The following NKAIN3 variants were observed in gnomAD, a reference collection of about 807,000 sequenced individuals.
The protein encoded by NKAIN3 is sodium/potassium-transporting ATPase subunit beta-1-interacting protein 3.
In NKAIN3, 25 loss-of-function variants were observed where a neutral mutation model predicts 30.2. The observed-to-expected ratio is 0.83, with a 90% CI of 0.60 to 1.16. The LOEUF (loss-of-function observed/expected upper bound fraction) is 1.16. NKAIN3 is among the 50% of genes most tolerant of loss of function. The pLI is 0.00. For missense variants in NKAIN3, 225 were observed against 254.1 expected (o/e 0.89, Z 0.78); for synonymous variants, 91 against 89.6 (o/e 1.02, Z -0.09).
Position 62,316,641 on chromosome 8 carries a change from G to A in NKAIN3, c.54+67514G>A, listed in dbSNP as rs189600383. 3.0e-3 allele frequency among the ~76,000 whole-genome samples: 461 copies of A among 152,212 alleles called. 3 individuals carry two copies. Among genetic ancestry groups the A allele is most frequent in the African/African-American group, 0.01 (429 of 41,514 alleles). ...TTTTATGGCTGCATAGTATTCCATG[G>A]TGTATATGTGCCACATTTTTTTAAT... On this transcript the variant is annotated intron_variant, in intron 1 of 6. Coordinates refer to ENST00000623646, the MANE Select transcript of NKAIN3 (RefSeq NM_001304533.3).
In NKAIN3 at chr8:62,851,363, C is replaced by T. The variant is rs1218106661; in HGVS notation, c.472-67090C>T. Among the ~76,000 whole-genome samples, 5 of 152,188 alleles carry T rather than the reference C, an allele frequency of 3.3e-5. No homozygotes were observed. In the East Asian group the frequency reaches 5.8e-4, roughly 18 times the overall value. On this transcript the variant is annotated intron_variant, in intron 4 of 6. Coordinates refer to ENST00000623646, the MANE Select transcript of NKAIN3 (RefSeq NM_001304533.3). ...AGCTTAAGGAGATTTTGGGCTGAGG[C>T]GATGGGGTTTTCTAGATATACAATC...
intron 4 of NKAIN3, among the ~76,000 whole-genome samples, chr8:62,879,417 T>C (rs1439640746): frequency 6.6e-6 from 1 of 152,212 alleles, no homozygotes; most frequent in Non-Finnish European, 1.5e-5. Flanking sequence ...TATTAGCCCT[T>C]TTCCAGATGA....
chr8:62,611,339 CA>C (rs1166001591), intron 3 of NKAIN3, among the ~76,000 whole-genome samples: 1 of 152,050 alleles, frequency 6.6e-6, no homozygotes, highest in African/African-American at 2.4e-5. Context: ...CTTTATTTAA[CA>C]GTTAAATTAT....
chr8:62,254,780 A>G (rs1812214752), intron 1 of NKAIN3, among the ~76,000 whole-genome samples: 2 of 152,236 alleles, frequency 1.3e-5, no homozygotes, highest in South Asian at 4.1e-4. Flanking sequence ...ATGGTACAGC[A>G]AGAGAGTCAT....
chr8:62,573,500 T>A (rs28655175), intron 1 of NKAIN3, among the ~76,000 whole-genome samples: 5,409 of 152,184 alleles, frequency 0.036, 258 homozygotes, highest in African/African-American at 0.12. Context: ...TTTTCCTTCT[T>A]ACTTCCCTCC....
intron 3 of NKAIN3, among the ~76,000 whole-genome samples, chr8:62,657,565 TG>T (rs1245797490): frequency 1.8e-4 from 27 of 152,212 alleles, no homozygotes; most frequent in Admixed American, 1.7e-3. Context: ...TAAAACTTTG[TG>T]GTTTACATAT....
intron 1 of NKAIN3, among the ~76,000 whole-genome samples, chr8:62,259,645 G>T (rs531392482): frequency 6.6e-6 from 1 of 152,266 alleles, no homozygotes; most frequent in East Asian, 1.9e-4. Context: ...GGTAGGCTAT[G>T]AATGCCCTGT....
At chr8:62,990,466 A>C (rs979506148) in intron 5 of NKAIN3, 89 of 649,802 alleles carry the variant, frequency 1.4e-4, no homozygotes, top group Non-Finnish European at 1.7e-4. Flanking sequence ...ATTGCTTTGT[A>C]TAAAATGTTA....
At chr8:62,817,046 C>G (rs1405105744) in intron 4 of NKAIN3, among the ~76,000 whole-genome samples, 6 of 152,150 alleles carry the variant, frequency 3.9e-5, no homozygotes, top group South Asian at 4.1e-4. Context: ...AAGCCATTCT[C>G]CCAGCCAGGT....
At chr8:62,787,338 T>C (rs901955031) in intron 4 of NKAIN3, among the ~76,000 whole-genome samples, 3 of 151,848 alleles carry the variant, frequency 2.0e-5, no homozygotes, top group African/African-American at 4.8e-5. Flanking sequence ...AGCACAAAAA[T>C]TGAAAAGACC....
At chr8:62,588,710 T>A (rs1349947553) in intron 2 of NKAIN3, among the ~76,000 whole-genome samples, 1 of 151,908 alleles carries the variant, frequency 6.6e-6, no homozygotes, top group African/African-American at 2.4e-5. Flanking sequence ...TATGCAATGA[T>A]TGTAATCACT....
At chr8:62,254,511 A>C (rs1302776787) in intron 1 of NKAIN3, among the ~76,000 whole-genome samples, 1 of 152,182 alleles carries the variant, frequency 6.6e-6, no homozygotes, top group African/African-American at 2.4e-5. Context: ...TACTTTAAAA[A>C]TAGGGCTGAC....
At chr8:62,656,390 T>C (rs1158658364) in intron 3 of NKAIN3, among the ~76,000 whole-genome samples, 1 of 152,056 alleles carries the variant, frequency 6.6e-6, no homozygotes, top group African/African-American at 2.4e-5. Context: ...TGTGTATACA[T>C]ATGTAACAAA....
intron 2 of NKAIN3, among the ~76,000 whole-genome samples, chr8:62,584,484 CAGT>C (rs1164925235): frequency 7.9e-5 from 12 of 152,158 alleles, no homozygotes. Context: ...TCAAGCTCAC[CAGT>C]GACTAGCTTT....
chr8:62,497,132 G>C (rs1392826279), intron 1 of NKAIN3, among the ~76,000 whole-genome samples: 1 of 151,980 alleles, frequency 6.6e-6, no homozygotes, highest in African/African-American at 2.4e-5. Flanking sequence ...CTGTTTTACA[G>C]CTAAAGATTT....
At chr8:62,893,344 G>A (rs963077197) in intron 4 of NKAIN3, among the ~76,000 whole-genome samples, 1 of 152,148 alleles carries the variant, frequency 6.6e-6, no homozygotes, top group Non-Finnish European at 1.5e-5. Flanking sequence ...GTGGACTGCT[G>A]ATATACAGAA....
At chr8:62,644,360 A>T (rs534250479) in intron 3 of NKAIN3, among the ~76,000 whole-genome samples, 1 of 152,252 alleles carries the variant, frequency 6.6e-6, no homozygotes, top group Non-Finnish European at 1.5e-5. Flanking sequence ...GGACCCTGAT[A>T]GATACAAATA....
intron 3 of NKAIN3, among the ~76,000 whole-genome samples, chr8:62,602,962 T>C (rs1315301748): frequency 6.6e-6 from 1 of 152,118 alleles, no homozygotes; most frequent in African/African-American, 2.4e-5. Context: ...CACGTAAGCA[T>C]CATTATCAAG....
At chr8:62,668,755 T>G (rs1813209786) in intron 3 of NKAIN3, among the ~76,000 whole-genome samples, 1 of 152,218 alleles carries the variant, frequency 6.6e-6, no homozygotes, top group Admixed American at 6.5e-5. Flanking sequence ...ATTATATATG[T>G]ATTCCTTAAT....
Sources: allele counts gnomAD v4.1 joint callset (sites outside exome capture counted in the v4.1 genomes callset), GRCh38; gene constraint gnomAD v4.1.1; transcripts MANE v1.5; gene names NCBI Gene and HGNC (gene_info 2026-07-23, HGNC 2026-07-21).